The following CPD variants were observed in gnomAD, a reference collection of about 807,000 sequenced individuals.
CPD encodes the protein carboxypeptidase D.
CPD carries 69 observed loss-of-function variants against 138.3 expected under a neutral mutation model. The observed-to-expected ratio is 0.50, with a 90% CI of 0.41 to 0.61. The LOEUF (loss-of-function observed/expected upper bound fraction) is 0.61. Among genes scored for constraint, CPD ranks in the 20% least tolerant of loss-of-function variants. CPD has a pLI of 0.00. For synonymous variants in CPD, 651 were observed against 642.1 expected (o/e 1.01, Z -0.21); for missense variants, 1,432 against 1,733.3 (o/e 0.83, Z 3.09).
In CPD at chr17:30,443,960, A is replaced by T; in HGVS notation, c.2532A>T (p.Ala844=). The T allele has an allele frequency of 5.0e-6, 8 of 1,613,820 alleles. No homozygotes were observed. The highest frequency in any genetic ancestry group is 6.8e-6 in the Non-Finnish European group (8 of 1,179,794). ...TTCCAGGAACTTATAAAATCACAGC[A>T]TCTGCTCGAGGGTGAGTGACTGAAT... ...LLVPGTYKIT[A]SARGYNPVTK... The change falls in exon 11 of 21, where the codon GCA becomes GCT. Residue 844 remains alanine, a synonymous_variant. Transcript: ENST00000225719.
At chr17:30,388,727 C>T (rs935615496) in intron 2 of CPD, among the ~76,000 whole-genome samples, 37 of 152,176 alleles carry the variant, frequency 2.4e-4, no homozygotes, top group African/African-American at 8.9e-4. Flanking sequence ...GAGCCTGTGG[C>T]GGGTGGCTCC....
rs1414310557 is a variant in CPD, at chr17:30,399,306, A to T, written c.994+14070A>T. Among the ~76,000 whole-genome samples the T allele has an allele frequency of 3.3e-5, 5 of 152,108 alleles. 1 individual carries two copies. Among genetic ancestry groups the T allele is most frequent in the Admixed American group, 3.3e-4 (5 of 15,270 alleles). ...GTATTCTGCCATTGTTGGGTGGGGT[A>T]TAGTATAAATATCATTTATAGATCT... On this transcript the variant is annotated intron_variant, in intron 2 of 20. Transcript: ENST00000225719.
In CPD at chr17:30,385,223, G is replaced by A; in HGVS notation, c.981G>A (p.Trp327Ter). The A allele has an allele frequency of 6.2e-7, 1 of 1,613,946 alleles. No homozygotes were observed. The highest frequency in any genetic ancestry group is 8.5e-7 in the Non-Finnish European group (1 of 1,179,888). ...ATGGAATCACAAACGGCGCACATTG[G>A]TATGATGTGGAAGGTATGCAAAGCA... is the stretch of plus-strand genomic sequence containing the variant. ...FKDGITNGAH[W>*]YDVEGGMQDY... Residue 327 changes from tryptophan to a stop codon, truncating the protein, a stop_gained, in exon 2 of 21, where the codon TGG becomes TGA. Transcript: ENST00000225719. LOFTEE classifies it high-confidence loss of function.
At position 30,458,238 on chromosome 17, in the gene CPD, A is replaced by G. The variant is rs185300076; in HGVS notation, c.3498+1712A>G. ...ACAAAACCCATTCTGGATGCTGTGTATTCTAGATAGGAAATTCTTATCAGA... is the reference window on the plus strand; with the variant it reads ...ACAAAACCCATTCTGGATGCTGTGTGTTCTAGATAGGAAATTCTTATCAGA... On this transcript the variant is annotated intron_variant, in intron 17 of 20. Transcript: ENST00000225719. 1.8e-4 allele frequency among the ~76,000 whole-genome samples: 27 copies of G among 152,322 alleles called. 1 individual carries two copies. The East Asian group carries it at 3.1e-3, about 17-fold the overall frequency.
chr17:30,434,670 A>G (rs1175854332), intron 8 of CPD, among the ~76,000 whole-genome samples: 2 of 152,150 alleles, frequency 1.3e-5, no homozygotes, highest in Admixed American at 1.3e-4. Flanking sequence ...AAAGATAGAA[A>G]TGAAGAAGTG....
At chr17:30,389,139 GGGCAGCGGGCTCTGGGGGGT>G (rs1429880181) in intron 2 of CPD, among the ~76,000 whole-genome samples, 2 of 152,178 alleles carry the variant, frequency 1.3e-5, no homozygotes, top group East Asian at 1.9e-4. Flanking sequence ...GCAGCCCCCA[GGGCAGCGGGCTCTGGGGGGT>G]GGCAGCGGGC....
At position 30,408,944 on chromosome 17, in the gene CPD, G is replaced by A. The variant is rs368602413; in HGVS notation, c.995-11897G>A. On this transcript the variant is annotated intron_variant, in intron 2 of 20. Coordinates refer to ENST00000225719, the MANE Select transcript of CPD (RefSeq NM_001304.5). The stretch of plus-strand genomic sequence containing the variant: ...AAACTGGCACAGTATTCTTGTGCCA[G>A]TTTTCAAAGGGAATGCTTGCCCATT... Among the ~76,000 whole-genome samples, 241 of 152,186 alleles carry A rather than the reference G, an allele frequency of 1.6e-3. 1 individual carries two copies. The highest frequency in any genetic ancestry group is 5.7e-3 in the African/African-American group (235 of 41,532).
intron 17 of CPD, among the ~76,000 whole-genome samples, chr17:30,459,627 A>G (rs1354797323): frequency 2.0e-5 from 3 of 151,712 alleles, no homozygotes; most frequent in Admixed American, 6.6e-5. Flanking sequence ...TGTTTTGGCT[A>G]TTCAGGGCCC....
chr17:30,395,799 A>T (rs948083287), intron 2 of CPD, among the ~76,000 whole-genome samples: 5 of 152,174 alleles, frequency 3.3e-5, no homozygotes, highest in Non-Finnish European at 7.3e-5. Context: ...ACAAAAATGA[A>T]AACAGATGTA....
chr17:30,426,903 G>A (rs1050912663), intron 6 of CPD, among the ~76,000 whole-genome samples: 56 of 152,258 alleles, frequency 3.7e-4, no homozygotes, highest in Admixed American at 9.2e-4. Flanking sequence ...GAGTCTGGCT[G>A]GGCGTGGTGG....
rs1286579479 is a variant in CPD, at chr17:30,466,627, T to C, written c.*1813T>C. Reference sequence around the variant, plus strand: ...TTCTTTAAGGATGGTGGTGTATTGCTCTTTTTCAGCTTTATTTTTAAGAGT... The same window carrying C: ...TTCTTTAAGGATGGTGGTGTATTGCCCTTTTTCAGCTTTATTTTTAAGAGT... On this transcript the variant is annotated 3_prime_UTR_variant, in exon 21 of 21. Coordinates refer to ENST00000225719, the MANE Select transcript of CPD (RefSeq NM_001304.5). 3 of 152,622 alleles carry C rather than the reference T, an allele frequency of 2.0e-5. No homozygotes were observed. Among genetic ancestry groups the C allele is most frequent in the Admixed American group, 2.0e-4 (3 of 15,272 alleles). The allele number at this position is 152,622 out of a possible 1,614,324, so 9.5% of individuals were successfully genotyped here. A position where few individuals can be genotyped will look rare whatever the true frequency, so the allele number is the denominator to read the frequency against.
chr17:30,446,880 A>T (rs1321175803), intron 12 of CPD, among the ~76,000 whole-genome samples: 1 of 152,180 alleles, frequency 6.6e-6, no homozygotes, highest in African/African-American at 2.4e-5. Context: ...AACTGATGTG[A>T]GATGGTATCT....
chr17:30,382,190 G>T (rs1205840823), intron 1 of CPD, among the ~76,000 whole-genome samples: 1 of 152,062 alleles, frequency 6.6e-6, no homozygotes, highest in African/African-American at 2.4e-5. Flanking sequence ...ATCTATGATT[G>T]TCTGAATCTT....
chr17:30,413,395 A>T (rs1402664476), intron 2 of CPD, among the ~76,000 whole-genome samples: 3 of 152,184 alleles, frequency 2.0e-5, no homozygotes, highest in Non-Finnish European at 4.4e-5. Context: ...AAGCTAAAAG[A>T]TTGCCTTGCC....
chr17:30,427,072 C>T (rs1912433252), intron 6 of CPD, among the ~76,000 whole-genome samples: 1 of 151,690 alleles, frequency 6.6e-6, no homozygotes, highest in South Asian at 2.1e-4. Flanking sequence ...ATTCCAGCTA[C>T]TTGGGAGGCT....
chr17:30,427,751 TTCTC>T (rs1442135675), intron 7 of CPD, among the ~76,000 whole-genome samples, 193 bp downstream of exon 7: 1 of 151,998 alleles, frequency 6.6e-6, no homozygotes, highest in African/African-American at 2.4e-5. Context: ...TCCTCCTTCT[TTCTC>T]TCTTTTTTTC....
chr17:30,391,317 T>A (rs1911352467), intron 2 of CPD, among the ~76,000 whole-genome samples: 1 of 152,140 alleles, frequency 6.6e-6, no homozygotes, highest in Non-Finnish European at 1.5e-5. Flanking sequence ...GGCGTGTGCT[T>A]GTAGTCGCAG....
Position 30,379,511 on chromosome 17 carries a change from C to T in CPD, c.531C>T (p.Tyr177=). Residue 177 remains tyrosine (Y), a synonymous_variant, in exon 1 of 21, where the codon TAC becomes TAT. Coordinates refer to ENST00000225719, the MANE Select transcript of CPD (RefSeq NM_001304.5). This position sits in a 1 kb window ranked among gnomAD's most constrained non-coding sequence, Gnocchi z 7.0. ...LVRLLNTTDV[Y]LLPSLNPDGF... ...GCCTGCTCAACACCACCGACGTGTA[C>T]CTGCTGCCCAGCCTCAACCCCGATG... 1 of 1,570,766 alleles carries T rather than the reference C, an allele frequency of 6.4e-7. No individual in the cohort carries two copies. Among genetic ancestry groups the T allele is most frequent in the Non-Finnish European group, 8.6e-7 (1 of 1,163,338 alleles).
At chr17:30,438,933 G>A in intron 8 of CPD, 42 bp from the exon 9 acceptor site, 1 of 1,208,512 alleles carries the variant, frequency 8.3e-7, no homozygotes, top group Non-Finnish European at 1.2e-6. Context: ...TTTTGATGGA[G>A]ATACAAACAA....
Sources: allele counts gnomAD v4.1 joint callset (sites outside exome capture counted in the v4.1 genomes callset), GRCh38; gene constraint gnomAD v4.1.1; non-coding constraint Gnocchi (gnomAD v3.1); transcripts MANE v1.5; gene names NCBI Gene and HGNC (gene_info 2026-07-23, HGNC 2026-07-21).